DLGAP1: variants seen among roughly 807,000 people sequenced by gnomAD.
DLGAP1 encodes the protein disks large-associated protein 1.
DLGAP1 carries 11 observed loss-of-function variants against 90.8 expected under a neutral mutation model. That is an observed-to-expected ratio of 0.12 (90% CI 0.08 to 0.20). The LOEUF (loss-of-function observed/expected upper bound fraction) is 0.20. DLGAP1 is among the 10% of genes least tolerant of loss of function. The pLI is 1.00. For missense variants in DLGAP1, 1,050 were observed against 1,333.8 expected (o/e 0.79, Z 3.31); for synonymous variants, 558 against 540.7 (o/e 1.03, Z -0.44).
intron 5 of DLGAP1, among the ~76,000 whole-genome samples, chr18:3,784,673 A>T (rs2065363260): frequency 6.6e-6 from 1 of 152,196 alleles, no homozygotes; most frequent in Non-Finnish European, 1.5e-5. Flanking sequence ...TGACGAGGAA[A>T]AAAGGGGGAC....
At chr18:3,969,747 G>T (rs2073405356) in intron 3 of DLGAP1, among the ~76,000 whole-genome samples, 1 of 152,098 alleles carries the variant, frequency 6.6e-6, no homozygotes, top group Non-Finnish European at 1.5e-5. Context: ...TAATAAGAGT[G>T]CCAGCTTCCT....
At chr18:3,539,284 G>A (rs1599125804) in intron 9 of DLGAP1, among the ~76,000 whole-genome samples, 1 of 152,304 alleles carries the variant, frequency 6.6e-6, no homozygotes, top group African/African-American at 2.4e-5. Context: ...GTTCCTCGTT[G>A]ATGATATCAA....
intron 2 of DLGAP1, among the ~76,000 whole-genome samples, chr18:4,037,620 A>G (rs2074910204): frequency 1.3e-5 from 2 of 152,168 alleles, no homozygotes; most frequent in Non-Finnish European, 2.9e-5. Flanking sequence ...GTGTCCCCAG[A>G]TTGAAACTCT....
chr18:4,121,051 C>A (rs746034633), intron 2 of DLGAP1, among the ~76,000 whole-genome samples: 11 of 152,104 alleles, frequency 7.2e-5, no homozygotes, highest in Admixed American at 2.6e-4. Flanking sequence ...GGCTGTTAGG[C>A]AAGACGGACA....
At chr18:4,122,425 T>G (rs911025903) in intron 2 of DLGAP1, among the ~76,000 whole-genome samples, 5 of 152,184 alleles carry the variant, frequency 3.3e-5, no homozygotes, top group Non-Finnish European at 7.3e-5. Flanking sequence ...GATTACTGTG[T>G]TTTCGCTTTC....
chr18:3,958,156 G>A (rs112252465), intron 3 of DLGAP1, among the ~76,000 whole-genome samples: 18 of 152,100 alleles, frequency 1.2e-4, no homozygotes, highest in Middle Eastern at 3.4e-3. Context: ...AGATCTGCCC[G>A]CCTCGGCCTC....
At chr18:4,113,677 A>C (rs1310025629) in intron 2 of DLGAP1, among the ~76,000 whole-genome samples, 5 of 152,024 alleles carry the variant, frequency 3.3e-5, no homozygotes, top group African/African-American at 1.2e-4. Flanking sequence ...CTTAGTCGTA[A>C]ATTCTTTCTC....
intron 2 of DLGAP1, among the ~76,000 whole-genome samples, chr18:4,090,199 T>C (rs997731153): frequency 2.0e-5 from 3 of 152,154 alleles, no homozygotes; most frequent in Admixed American, 6.5e-5. Context: ...AAGTATTTCA[T>C]GACAAAAACA....
intron 4 of DLGAP1, among the ~76,000 whole-genome samples, chr18:3,842,070 A>G (rs913858058): frequency 6.6e-6 from 1 of 151,336 alleles, no homozygotes; most frequent in Non-Finnish European, 1.5e-5. Flanking sequence ...ATGAGACTGG[A>G]AAGTTGGGAA....
rs1421479663 is a variant in DLGAP1 at position 4,082,211 on chromosome 18, G to A, written c.-159+68969C>T. On this transcript the variant is annotated intron_variant, in intron 2 of 12. Transcript: ENST00000315677. ...AAAAAAATTAGCTGGGCGTGGCAGT[G>A]TATGCCTGTAATCCCAGTTACTTGG... 4.6e-5 allele frequency among the ~76,000 whole-genome samples: 7 copies of A among 151,824 alleles called. No individual in the cohort carries two copies. The South Asian group carries it at 1.5e-3, about 32-fold the overall frequency.
intron 1 of DLGAP1, among the ~76,000 whole-genome samples, chr18:4,451,926 A>T (rs1368567392): frequency 6.6e-6 from 1 of 152,180 alleles, no homozygotes; most frequent in Non-Finnish European, 1.5e-5. Flanking sequence ...GGATTGGGGA[A>T]ACGTGTTTAG....
chr18:3,821,709 C>T (rs2067428233), intron 4 of DLGAP1, among the ~76,000 whole-genome samples: 1 of 152,106 alleles, frequency 6.6e-6, no homozygotes, highest in South Asian at 2.1e-4. Context: ...GATTAGAAAA[C>T]TTGCAGGACA....
At chr18:3,772,338 C>T (rs1325909630) in intron 5 of DLGAP1, among the ~76,000 whole-genome samples, 8 of 42,284 alleles carry the variant, frequency 1.9e-4, no homozygotes, top group African/African-American at 7.0e-4. Context: ...CTCCTTCTCT[C>T]TCTCTCTCTC....
intron 7 of DLGAP1, among the ~76,000 whole-genome samples, chr18:3,634,668 G>T (rs1229581940): frequency 6.6e-6 from 1 of 152,136 alleles, no homozygotes; most frequent in East Asian, 1.9e-4. Context: ...CTGGTTCATG[G>T]ATTATTAATT....
At chr18:3,564,204 G>GGT (rs966068205) in intron 9 of DLGAP1, among the ~76,000 whole-genome samples, 6 of 152,220 alleles carry the variant, frequency 3.9e-5, no homozygotes, top group African/African-American at 1.4e-4. Context: ...GTACTGGTAA[G>GGT]GTGTGTGTGA....
intron 3 of DLGAP1, chr18:3,885,413 T>G (rs1370575206): frequency 6.6e-6 from 1 of 152,182 alleles, no homozygotes; most frequent in African/African-American, 2.4e-5. Context: ...CATAAGCCTT[T>G]TGGCCACTAG....
At chr18:4,100,345 A>G (rs1206421927) in intron 2 of DLGAP1, among the ~76,000 whole-genome samples, 2 of 152,206 alleles carry the variant, frequency 1.3e-5, no homozygotes, top group Non-Finnish European at 2.9e-5. Flanking sequence ...GAACAGTAAT[A>G]TTTGAAAAAA....
At chr18:3,534,087 T>A in intron 10 of DLGAP1, 107 bp downstream of exon 10, 1 of 1,303,940 alleles carries the variant, frequency 7.7e-7, no homozygotes, top group Non-Finnish European at 1.1e-6. Context: ...GTGTGGAACG[T>A]CAAGGTTATA....
intron 3 of DLGAP1, among the ~76,000 whole-genome samples, chr18:3,965,373 T>C (rs1343896302): frequency 6.6e-6 from 1 of 152,160 alleles, no homozygotes; most frequent in Non-Finnish European, 1.5e-5. Context: ...GGATCCAAAA[T>C]AAATCTTAAG....
Sources: allele counts gnomAD v4.1 joint callset (sites outside exome capture counted in the v4.1 genomes callset), GRCh38; gene constraint gnomAD v4.1.1; transcripts MANE v1.5; gene names NCBI Gene and HGNC (gene_info 2026-07-23, HGNC 2026-07-21).